Variants in CSMD1 observed in about 807,000 individuals in gnomAD.
CSMD1 encodes CUB and sushi domain-containing protein 1.
A neutral mutation model predicts 417.5 loss-of-function variants in CSMD1; 213 were observed. That is an observed-to-expected ratio of 0.51 (90% CI 0.46 to 0.57). CSMD1 has a LOEUF of 0.57. Among genes scored for constraint, CSMD1 ranks in the 20% least tolerant of loss-of-function variants. The probability of loss-of-function intolerance (pLI) is 0.00; values close to 1 mark genes in which losing one functional copy is unlikely to be tolerated. For synonymous variants in CSMD1, 2,862 were observed against 1,736.8 expected, an observed-to-expected ratio of 1.65 and a Z score of -16.11; for missense variants, 6,923 against 4,529.7, an observed-to-expected ratio of 1.53 and a Z score of -15.17.
At chr8:4,894,316 TTTTA>T (rs1804331834) in intron 1 of CSMD1, among the ~76,000 whole-genome samples, 2 of 152,108 alleles carry the variant, frequency 1.3e-5, no homozygotes, top group Non-Finnish European at 2.9e-5. Context: ...ATTTTTCATT[TTTTA>T]TTTAATTTTC....
At chr8:3,140,696 A>G (rs1053448512) in intron 41 of CSMD1, among the ~76,000 whole-genome samples, 1 of 151,484 alleles carries the variant, frequency 6.6e-6, no homozygotes, top group Non-Finnish European at 1.5e-5. Context: ...CATTCTGTGG[A>G]ATTAGGGAAA....
rs529261517 is a variant in CSMD1 at position 3,310,341 on chromosome 8, A to T, written c.3632-1838T>A. 3.9e-5 allele frequency among the ~76,000 whole-genome samples: 6 copies of T among 152,252 alleles called. No homozygotes were observed. The East Asian group carries it at 1.2e-3, about 29-fold the overall frequency. On this transcript the variant is annotated intron_variant, in intron 23 of 69. Transcript: ENST00000635120. ...TTACTGTTGTTATTGTTGTAGTGTT[A>T]CTGGGTTTGCGGGTTTGGAAGTGAC...
Position 4,805,586 on chromosome 8 carries a change from C to T in CSMD1, c.86-168028G>A, listed in dbSNP as rs562319064. Among the ~76,000 whole-genome samples the T allele has an allele frequency of 1.6e-4, 25 of 152,284 alleles. No individual in the cohort carries two copies. In the South Asian group the frequency reaches 4.6e-3, roughly 28 times the overall value. On this transcript the variant is annotated intron_variant, in intron 1 of 69. Transcript: ENST00000635120. ...TCTAAATGTGAAATGGAGAGGAAGA[C>T]GCTGAGCCAAAACTGAGGAAGTGCT...
At chr8:4,436,137 T>C (rs919638585) in intron 2 of CSMD1, among the ~76,000 whole-genome samples, 1 of 152,120 alleles carries the variant, frequency 6.6e-6, no homozygotes, top group African/African-American at 2.4e-5. Flanking sequence ...GCATAAAAAA[T>C]AGAAGTCATA....
intron 5 of CSMD1, among the ~76,000 whole-genome samples, chr8:3,884,888 A>G (rs886902583): frequency 2.0e-5 from 3 of 150,214 alleles, no homozygotes; most frequent in African/African-American, 7.3e-5. Context: ...TAAAAATTAT[A>G]ACTTTTATAT....
chr8:4,791,232 A>G (rs1283675111), intron 1 of CSMD1, among the ~76,000 whole-genome samples: 2 of 149,624 alleles, frequency 1.3e-5, no homozygotes, highest in Non-Finnish European at 3.0e-5. Context: ...GGCAGAAGGA[A>G]CGTGCCTGGG....
intron 10 of CSMD1, among the ~76,000 whole-genome samples, chr8:3,544,373 T>G (rs901351435): frequency 6.6e-6 from 1 of 152,140 alleles, no homozygotes; most frequent in African/African-American, 2.4e-5. Flanking sequence ...AAAGAACATC[T>G]CCCCTGATCT....
intron 1 of CSMD1, among the ~76,000 whole-genome samples, chr8:4,917,863 T>A (rs367893711): frequency 1.2e-4 from 18 of 152,208 alleles, no homozygotes; most frequent in African/African-American, 4.1e-4. Flanking sequence ...ACTGTAACAT[T>A]TGAGATGGGC....
In CSMD1 at chr8:3,834,078, C is replaced by T. The variant is rs78398604; in HGVS notation, c.819-80036G>A. ...TGGTCACTACTGAAAAAATATTATACTTTGATTTCCTTTCTTAAAATTGTT... is the reference window on the plus strand; with the variant it reads ...TGGTCACTACTGAAAAAATATTATATTTTGATTTCCTTTCTTAAAATTGTT... On this transcript the variant is annotated intron_variant, in intron 5 of 69. Transcript: ENST00000635120. Among the ~76,000 whole-genome samples, 25 of 152,232 alleles carry T rather than the reference C, an allele frequency of 1.6e-4. No individual in the cohort carries two copies. In the East Asian group the frequency reaches 4.4e-3, roughly 27 times the overall value.
At chr8:3,192,422 C>A (rs1585612321) in intron 33 of CSMD1, among the ~76,000 whole-genome samples, 2 of 152,156 alleles carry the variant, frequency 1.3e-5, no homozygotes, top group East Asian at 3.9e-4. Flanking sequence ...ATGCTTTATA[C>A]ACATAGTCTG....
chr8:4,869,995 A>T (rs1021049008), intron 1 of CSMD1, among the ~76,000 whole-genome samples: 2 of 152,140 alleles, frequency 1.3e-5, no homozygotes, highest in Admixed American at 1.3e-4. Context: ...AAAATAATGC[A>T]TAACACATGT....
chr8:3,477,014 G>A (rs1377789584), intron 11 of CSMD1, among the ~76,000 whole-genome samples: 1 of 152,094 alleles, frequency 6.6e-6, no homozygotes, highest in African/African-American at 2.4e-5. Flanking sequence ...GAAGTGAAGG[G>A]AATGTTCTGT....
intron 6 of CSMD1, among the ~76,000 whole-genome samples, chr8:3,729,658 G>A (rs73187232): frequency 0.13 from 19,445 of 151,154 alleles, 1,983 homozygotes; most frequent in African/African-American, 0.28. Context: ...AGCGATGGGG[G>A]CTACCAGCGA....
intron 68 of CSMD1, among the ~76,000 whole-genome samples, chr8:2,944,950 C>A (rs1490045253): frequency 6.6e-6 from 1 of 152,126 alleles, no homozygotes; most frequent in Non-Finnish European, 1.5e-5. Context: ...AGACACCTCA[C>A]ATGAAAACAA....
chr8:4,631,798 G>C (rs1802534371), intron 2 of CSMD1, among the ~76,000 whole-genome samples: 1 of 152,136 alleles, frequency 6.6e-6, no homozygotes, highest in Non-Finnish European at 1.5e-5. Flanking sequence ...CAGAAAATTA[G>C]GGGTAATCTT....
chr8:3,630,747 C>G (rs778271339), intron 7 of CSMD1, among the ~76,000 whole-genome samples: 1 of 152,034 alleles, frequency 6.6e-6, no homozygotes, highest in Admixed American at 6.5e-5. Flanking sequence ...AGCCACTGAG[C>G]CAACGGTGGT....
chr8:4,126,534 G>T (rs61299396), intron 3 of CSMD1, among the ~76,000 whole-genome samples: 22,146 of 152,182 alleles, frequency 0.15, 1,740 homozygotes, highest in South Asian at 0.24. Context: ...GGTCAGTGCT[G>T]CAGGGAGGCC....
At chr8:4,907,059 G>T (rs1047338087) in intron 1 of CSMD1, among the ~76,000 whole-genome samples, 1 of 152,168 alleles carries the variant, frequency 6.6e-6, no homozygotes, top group Non-Finnish European at 1.5e-5. Context: ...AACAGTGAGA[G>T]AATGTTCTAT....
intron 18 of CSMD1, among the ~76,000 whole-genome samples, chr8:3,373,951 TA>T (rs1164556518): frequency 1.2e-4 from 8 of 69,216 alleles, no homozygotes; most frequent in African/African-American, 4.1e-4. Flanking sequence ...AGCATCCAAC[TA>T]TTTTTTTTTT....
Sources: gnomAD v4.1 joint callset for allele counts (sites outside exome capture counted in the v4.1 genomes callset) on GRCh38, gnomAD v4.1.1 for gene constraint, MANE v1.5 for transcripts, NCBI Gene and HGNC (gene_info 2026-07-23, HGNC 2026-07-21) for gene names.